SLC14A2: variants seen among roughly 807,000 people sequenced by gnomAD.
SLC14A2 encodes solute carrier family 14 member 2, also known as urea transporter 2.
A neutral mutation model predicts 104.6 loss-of-function variants in SLC14A2; 91 were observed. The observed-to-expected ratio is 0.87, with a 90% CI of 0.73 to 1.04. SLC14A2 has a LOEUF of 1.04. SLC14A2 is among the 50% of genes least tolerant of loss of function. The probability of loss-of-function intolerance (pLI) is 0.00; values close to 1 mark genes in which losing one functional copy is unlikely to be tolerated. For missense variants in SLC14A2, 1,189 were observed against 1,156.0 expected (o/e 1.03, Z -0.41); for synonymous variants, 476 against 466.4 (o/e 1.02, Z -0.27).
chr18:45,320,031 C>A (rs959572966), intron 1 of SLC14A2, among the ~76,000 whole-genome samples: 1 of 152,146 alleles, frequency 6.6e-6, no homozygotes, highest in Non-Finnish European at 1.5e-5. Flanking sequence ...CGTTGGGAGA[C>A]CAGACTCCAC....
At chr18:45,484,707 CTA>C (rs1206038313) in intron 2 of SLC14A2, among the ~76,000 whole-genome samples, 1 of 152,140 alleles carries the variant, frequency 6.6e-6, no homozygotes, top group Non-Finnish European at 1.5e-5. Flanking sequence ...TTTCAAGATA[CTA>C]GCTTTCAAAC....
intron 2 of SLC14A2, among the ~76,000 whole-genome samples, chr18:45,532,034 G>A (rs1269958061): frequency 1.3e-5 from 2 of 152,090 alleles, no homozygotes; most frequent in Non-Finnish European, 2.9e-5. Context: ...TATTTCTGAG[G>A]TCTCTGTTCT....
At chr18:45,665,156 G>T (rs1008857536) in intron 11 of SLC14A2, among the ~76,000 whole-genome samples, 2 of 152,186 alleles carry the variant, frequency 1.3e-5, no homozygotes, top group Non-Finnish European at 2.9e-5. Flanking sequence ...CTTCAGAAGT[G>T]GGAACACAGT....
chr18:45,608,817 G>T (rs1042785108), intron 2 of SLC14A2, among the ~76,000 whole-genome samples: 1 of 152,164 alleles, frequency 6.6e-6, no homozygotes, highest in East Asian at 1.9e-4. Flanking sequence ...TGTAATAAAA[G>T]CTCATTTTGT....
At chr18:45,542,749 A>G (rs1329194146) in intron 2 of SLC14A2, among the ~76,000 whole-genome samples, 2 of 152,146 alleles carry the variant, frequency 1.3e-5, no homozygotes, top group Non-Finnish European at 2.9e-5. Context: ...AGCAAAAGGG[A>G]GAACATGACA....
intron 2 of SLC14A2, among the ~76,000 whole-genome samples, chr18:45,505,707 C>T (rs1350243097): frequency 1.3e-5 from 2 of 152,202 alleles, no homozygotes; most frequent in Non-Finnish European, 2.9e-5. Flanking sequence ...GAGAACTCAG[C>T]TTCTCAGGAG....
chr18:45,484,324 A>G (rs935525597), intron 2 of SLC14A2, among the ~76,000 whole-genome samples: 10 of 152,186 alleles, frequency 6.6e-5, no homozygotes, highest in African/African-American at 2.4e-4. Flanking sequence ...CCTCTCCTTG[A>G]TGAAAGAGGC....
chr18:45,450,081 C>T (rs1210042406), intron 1 of SLC14A2, among the ~76,000 whole-genome samples: 1 of 152,156 alleles, frequency 6.6e-6, no homozygotes, highest in African/African-American at 2.4e-5. Flanking sequence ...ATATATTTCC[C>T]CAGCCTTTTT....
chr18:45,372,747 C>T (rs2085736534), intron 1 of SLC14A2, among the ~76,000 whole-genome samples: 1 of 152,130 alleles, frequency 6.6e-6, no homozygotes, highest in African/African-American at 2.4e-5. Flanking sequence ...CCATCACTAT[C>T]TAATAGGAAT....
chr18:45,288,117 G>T (rs1036076612), intron 1 of SLC14A2, among the ~76,000 whole-genome samples: 1 of 152,198 alleles, frequency 6.6e-6, no homozygotes, highest in Non-Finnish European at 1.5e-5. Flanking sequence ...AGCTTAAAAT[G>T]AGATGAAGAA....
chr18:45,294,508 A>G (rs1194391722), intron 1 of SLC14A2, among the ~76,000 whole-genome samples: 3 of 152,260 alleles, frequency 2.0e-5, no homozygotes, highest in African/African-American at 7.2e-5. Context: ...TTCTAGAACT[A>G]TACAGATATT....
At chr18:45,269,356 G>T (rs2084626719) in intron 1 of SLC14A2, among the ~76,000 whole-genome samples, 1 of 152,078 alleles carries the variant, frequency 6.6e-6, no homozygotes, top group Non-Finnish European at 1.5e-5. Context: ...TACTGAGGCT[G>T]TTCTTCAAAT....
intron 2 of SLC14A2, among the ~76,000 whole-genome samples, chr18:45,585,557 C>T (rs1381707959): frequency 1.3e-5 from 2 of 152,196 alleles, no homozygotes; most frequent in Non-Finnish European, 2.9e-5. Flanking sequence ...GAGAAGTTGA[C>T]AGCCAAAATT....
At chr18:45,257,583 A>G (rs756695026) in intron 1 of SLC14A2, among the ~76,000 whole-genome samples, 22 of 152,244 alleles carry the variant, frequency 1.4e-4, no homozygotes, top group South Asian at 2.1e-4. Context: ...AGAAATTACA[A>G]TATGGTTAAT....
chr18:45,309,718 C>T (rs1296930082), intron 1 of SLC14A2, among the ~76,000 whole-genome samples: 3 of 152,060 alleles, frequency 2.0e-5, no homozygotes, highest in Admixed American at 2.0e-4. Flanking sequence ...AGTGAACTAC[C>T]TCAGATACAT....
intron 2 of SLC14A2, among the ~76,000 whole-genome samples, chr18:45,508,011 TA>T (rs1209556236): frequency 6.6e-6 from 1 of 152,178 alleles, no homozygotes; most frequent in Non-Finnish European, 1.5e-5. Context: ...AATGCAAGCT[TA>T]AAATAGATTC....
chr18:45,404,902 G>T (rs533940226), intron 1 of SLC14A2, among the ~76,000 whole-genome samples: 212 of 152,298 alleles, frequency 1.4e-3, no homozygotes, highest in Non-Finnish European at 2.5e-3. Flanking sequence ...ACAAAGCAGG[G>T]TTGCAGTGTT....
At chr18:45,377,923 T>G (rs2085792765) in intron 1 of SLC14A2, among the ~76,000 whole-genome samples, 6 of 152,198 alleles carry the variant, frequency 3.9e-5, no homozygotes, top group Admixed American at 3.9e-4. Context: ...CAGGGATCTC[T>G]CCAAGGAAAT....
intron 1 of SLC14A2, among the ~76,000 whole-genome samples, chr18:45,422,244 G>A (rs1309992545): frequency 2.0e-5 from 3 of 152,138 alleles, no homozygotes; most frequent in Non-Finnish European, 4.4e-5. Context: ...TCCAAGGCCT[G>A]TTTGCAGCAG....
Sources: allele counts gnomAD v4.1 joint callset (sites outside exome capture counted in the v4.1 genomes callset), GRCh38; gene constraint gnomAD v4.1.1; transcripts MANE v1.5; gene names NCBI Gene and HGNC (gene_info 2026-07-23, HGNC 2026-07-21).